The following ZFYVE26 variants were observed in gnomAD, a reference collection of about 807,000 sequenced individuals.
ZFYVE26 encodes zinc finger FYVE domain-containing protein 26.
Under a neutral mutation model 276.5 loss-of-function variants are expected in ZFYVE26, and 181 were observed. The observed-to-expected ratio is 0.65, with a 90% confidence interval of 0.58 to 0.74. ZFYVE26 has a LOEUF of 0.74. ZFYVE26 is among the 30% of genes least tolerant of loss of function. The pLI is 0.00. For missense variants in ZFYVE26, 2,821 were observed against 3,097.9 expected (o/e 0.91, Z 2.12); for synonymous variants, 1,129 against 1,203.1 (o/e 0.94, Z 1.27).
intron 2 of ZFYVE26, 149 bp downstream of exon 2, chr14:67,815,621 A>G: frequency 1.3e-6 from 1 of 780,356 alleles, no homozygotes; most frequent in Admixed American, 1.9e-5. Flanking sequence ...TGTATACTAT[A>G]GAGGTAAAAT....
chr14:67,734,067 C>T, intron 13 of ZFYVE26: 2 of 423,976 alleles, frequency 4.7e-6, no homozygotes, highest in Non-Finnish European at 4.5e-6. Context: ...GTGTTCTTCT[C>T]TAAGACCTGG....
chr14:67,814,227 A>G (rs142406544), intron 2 of ZFYVE26, among the ~76,000 whole-genome samples, 163 bp from the exon 3 acceptor site: 64 of 152,344 alleles, frequency 4.2e-4, no homozygotes, highest in African/African-American at 1.4e-3. Flanking sequence ...TCAGTAAAAC[A>G]TTGGAACCAG....
chr14:67,777,141 C>T (rs770908350), intron 25 of ZFYVE26, among the ~76,000 whole-genome samples: 11 of 152,214 alleles, frequency 7.2e-5, no homozygotes, highest in Non-Finnish European at 1.6e-4. Context: ...ATGTCCAGTC[C>T]CTATCCCAAG....
At chr14:67,750,944 G>C in intron 41 of ZFYVE26, 108 bp downstream of exon 41, 1 of 1,370,190 alleles carries the variant, frequency 7.3e-7, no homozygotes, top group Non-Finnish European at 1.0e-6. Context: ...CAGAAGCTGA[G>C]ATACGGGTTG....
At chr14:67,741,869 C>T (rs1044508615), downstream of ZFYVE26, among the ~76,000 whole-genome samples, 1 of 152,224 alleles carries the variant, frequency 6.6e-6, no homozygotes, top group Non-Finnish European at 1.5e-5. Context: ...AAAGACTACA[C>T]CTCCATCACA....
At chr14:67,756,322 TCTCTC>T (rs2038779403) in intron 35 of ZFYVE26, 177 bp from the exon 36 acceptor site, 2 of 716,732 alleles carry the variant, frequency 2.8e-6, no homozygotes, top group Non-Finnish European at 4.8e-6. Flanking sequence ...CTGCTTCACT[TCTCTC>T]CTTCCTTTTA....
In ZFYVE26 at chr14:67,815,409, C is replaced by G. The variant is rs115647187; in HGVS notation, c.194+361G>C. 561 of 288,432 alleles carry G rather than the reference C, an allele frequency of 1.9e-3. 5 individuals are homozygous for G. The highest frequency in any genetic ancestry group is 0.011 in the African/African-American group (521 of 46,398). The allele number at this position is 288,432 out of a possible 1,614,324, so 17.9% of individuals were successfully genotyped here. A position where few individuals can be genotyped will look rare whatever the true frequency, so the allele number is the denominator to read the frequency against. ...TCGAAATAAAAAGTTTTAAGTAAAG[C>G]GACAACAATATTTTCAATCTCATAA... On this transcript the variant is annotated intron_variant, in intron 2 of 41. Transcript: ENST00000347230.
intron 14 of ZFYVE26, among the ~76,000 whole-genome samples, chr14:67,728,995 G>A (rs1313267832): frequency 1.3e-5 from 2 of 152,212 alleles, no homozygotes; most frequent in Admixed American, 6.5e-5. Flanking sequence ...ATAGAAGGCT[G>A]AGAAGGCTAT....
chr14:67,779,552 A>T (rs1365129977), intron 23 of ZFYVE26, among the ~76,000 whole-genome samples: 1 of 152,086 alleles, frequency 6.6e-6, no homozygotes, highest in Non-Finnish European at 1.5e-5. Context: ...AAATAGCAAG[A>T]CTCCATCTCA....
chr14:67,742,392 G>C (rs887973967), downstream of ZFYVE26, among the ~76,000 whole-genome samples: 11 of 152,172 alleles, frequency 7.2e-5, no homozygotes, highest in Non-Finnish European at 1.2e-4. Context: ...TGGTTAAAAT[G>C]TTAAATTTTA....
chr14:67,735,105 G>C, intron 13 of ZFYVE26: 1 of 770,694 alleles, frequency 1.3e-6, no homozygotes, highest in Non-Finnish European at 2.4e-6. Flanking sequence ...AGCAAAGAAT[G>C]CAAAAGAAAA....
chr14:67,774,156 G>C (rs778236893), intron 27 of ZFYVE26, among the ~76,000 whole-genome samples: 1 of 152,286 alleles, frequency 6.6e-6, no homozygotes, highest in South Asian at 2.1e-4. Flanking sequence ...TGAAAGTTTT[G>C]AGTCACCCAA....
chr14:67,757,520 T>C (rs963687679), intron 35 of ZFYVE26, among the ~76,000 whole-genome samples: 2 of 152,194 alleles, frequency 1.3e-5, no homozygotes, highest in African/African-American at 4.8e-5. Context: ...AGTCTAAAAT[T>C]ATACAAGCCA....
chr14:67,735,331 G>A, intron 13 of ZFYVE26: 1 of 786,402 alleles, frequency 1.3e-6, no homozygotes, highest in Non-Finnish European at 2.3e-6. Context: ...ACACCAAAAG[G>A]ACCATCTAGT....
chr14:67,777,859 T>A, intron 24 of ZFYVE26, 124 bp from the exon 25 acceptor site: 2 of 356,776 alleles, frequency 5.6e-6, no homozygotes, highest in Non-Finnish European at 4.3e-6. Flanking sequence ...TCTATACTCC[T>A]TTTTTTTTTT....
rs1442058608 is a variant in ZFYVE26 at position 67,789,572 on chromosome 14, C to T, written c.2782G>A (p.Val928Met). The T allele has an allele frequency of 4.3e-6, 7 of 1,614,080 alleles. No individual in the cohort carries two copies. Among genetic ancestry groups the T allele is most frequent in the East Asian group, 2.2e-5 (1 of 44,886 alleles). Reference sequence around the variant, plus strand: ...GAGGTGTTGAGCAGCTTGTCAGTCACGTCAGAGATAGAGTAAAACACCATT... The same window carrying T: ...GAGGTGTTGAGCAGCTTGTCAGTCATGTCAGAGATAGAGTAAAACACCATT... ...AGMVFYSISD[V>M]TDKLLNTSGD... The change falls in exon 16 of 42, where the codon GTG becomes ATG. Residue 928 changes from valine (V) to methionine (M), a missense_variant. Physicochemically the swap from Val to Met is conservative, Grantham distance 21. Transcript: ENST00000347230.
chr14:67,794,450 TA>T (rs2039902652), intron 12 of ZFYVE26, among the ~76,000 whole-genome samples: 1 of 152,136 alleles, frequency 6.6e-6, no homozygotes, highest in Non-Finnish European at 1.5e-5. Flanking sequence ...TTCACCTGGG[TA>T]ATAGCCTATA....
chr14:67,761,330 C>T (rs1322926028), intron 35 of ZFYVE26, 36 bp downstream of exon 35: 1 of 1,583,120 alleles, frequency 6.3e-7, no homozygotes. Flanking sequence ...AGGAGTAAGG[C>T]AGGCACTGCC....
intron 10 of ZFYVE26, chr14:67,799,200 A>G: frequency 6.2e-7 from 1 of 1,607,618 alleles, no homozygotes; most frequent in South Asian, 1.1e-5. Flanking sequence ...GGTTCAGAAG[A>G]AGAGCTGGCT....
Sources: allele counts gnomAD v4.1 joint callset (sites outside exome capture counted in the v4.1 genomes callset), GRCh38; gene constraint gnomAD v4.1.1; transcripts MANE v1.5; gene names NCBI Gene and HGNC (gene_info 2026-07-23, HGNC 2026-07-21).